Variants in TENM2 observed in about 807,000 individuals in gnomAD.
TENM2 encodes the protein teneurin-2.
A neutral mutation model predicts 245.2 loss-of-function variants in TENM2; 52 were observed. That is an observed-to-expected ratio of 0.21 (90% CI 0.17 to 0.27). TENM2 has a LOEUF of 0.27. Ranked by LOEUF, TENM2 falls within the 10% of genes least tolerant of loss-of-function variation. The pLI is 1.00. For missense variants in TENM2, 3,046 were observed against 3,666.8 expected (o/e 0.83, Z 4.37); for synonymous variants, 1,363 against 1,438.9 (o/e 0.95, Z 1.19).
At chr5:167,854,992 G>A (rs1190111592) in intron 2 of TENM2, among the ~76,000 whole-genome samples, 2 of 152,108 alleles carry the variant, frequency 1.3e-5, no homozygotes, top group Non-Finnish European at 2.9e-5. Context: ...TAACAAAAGT[G>A]GCTTTGCTAA....
chr5:167,010,987 A>G, the TENM2 span, among the ~76,000 whole-genome samples: 1 of 152,224 alleles, frequency 6.6e-6, no homozygotes, highest in East Asian at 1.9e-4. Context: ...TATAGATGCA[A>G]AGGAAAAACA....
chr5:167,108,301 T>C, the TENM2 span, among the ~76,000 whole-genome samples: 30 of 152,110 alleles, frequency 2.0e-4, no homozygotes, highest in African/African-American at 7.0e-4. Flanking sequence ...AGTTTTTGTA[T>C]TTTTAGTAGA....
chr5:167,552,904 G>A (rs182827093), intron 2 of TENM2, among the ~76,000 whole-genome samples: 1 of 144,516 alleles, frequency 6.9e-6, no homozygotes, highest in African/African-American at 2.6e-5. Context: ...GTGCTGATGT[G>A]CAATGGTAAG....
At chr5:167,824,661 C>T (rs902895270) in intron 2 of TENM2, among the ~76,000 whole-genome samples, 3 of 152,184 alleles carry the variant, frequency 2.0e-5, no homozygotes, top group Non-Finnish European at 4.4e-5. Context: ...TGGTGAATGG[C>T]TTTCCATATC....
chr5:167,640,859 C>CTA (rs1779522065), intron 2 of TENM2, among the ~76,000 whole-genome samples: 2 of 9,180 alleles, frequency 2.2e-4, no homozygotes, highest in Non-Finnish European at 4.3e-4. Flanking sequence ...ATATATATAT[C>CTA]CATATATATA....
chr5:167,157,931 A>C, the TENM2 span, among the ~76,000 whole-genome samples: 11 of 152,366 alleles, frequency 7.2e-5, no homozygotes, highest in East Asian at 1.9e-4. Context: ...ATGAGAAAGA[A>C]GAGAAGAATT....
intron 3 of TENM2, among the ~76,000 whole-genome samples, chr5:167,898,610 G>A (rs1229531618): frequency 6.6e-6 from 1 of 152,196 alleles, no homozygotes; most frequent in African/African-American, 2.4e-5. Context: ...AGGAGCTGGG[G>A]GAGAGAGACT....
the TENM2 span, among the ~76,000 whole-genome samples, chr5:167,174,348 A>G: frequency 4.6e-5 from 7 of 152,176 alleles, no homozygotes; most frequent in Admixed American, 4.6e-4. Flanking sequence ...CACACGAAGC[A>G]AATACCTTCT....
chr5:168,235,831 T>C (rs1384133837), intron 25 of TENM2, among the ~76,000 whole-genome samples: 4 of 150,518 alleles, frequency 2.7e-5, no homozygotes, highest in African/African-American at 9.8e-5. Context: ...GAAATTGTGA[T>C]GGGTGCTTTG....
chr5:168,059,234 T>C (rs547535593), intron 6 of TENM2, among the ~76,000 whole-genome samples: 1 of 152,288 alleles, frequency 6.6e-6, no homozygotes, highest in African/African-American at 2.4e-5. Flanking sequence ...TCTGAATTTC[T>C]CCAGAACAGC....
At chr5:167,653,035 T>G (rs1754583335) in intron 2 of TENM2, among the ~76,000 whole-genome samples, 1 of 152,162 alleles carries the variant, frequency 6.6e-6, no homozygotes, top group Admixed American at 6.6e-5. Context: ...TTGAGTCATC[T>G]CTTTATTTTT....
the TENM2 span, among the ~76,000 whole-genome samples, chr5:166,987,420 G>GGTGTGT: frequency 3.2e-3 from 477 of 147,190 alleles, 3 homozygotes; most frequent in African/African-American, 0.011. Context: ...GTTTAGTAAG[G>GGTGTGT]GTGTGTGTGT....
chr5:167,725,368 C>T (rs1389022428), intron 2 of TENM2, among the ~76,000 whole-genome samples: 3 of 151,934 alleles, frequency 2.0e-5, no homozygotes, highest in Admixed American at 2.0e-4. Context: ...TATGTGAATA[C>T]CAAGGGAATC....
At chr5:167,403,058 G>T (rs1762446799) in intron 2 of TENM2, among the ~76,000 whole-genome samples, 2 of 152,110 alleles carry the variant, frequency 1.3e-5, no homozygotes, top group Admixed American at 6.6e-5. Context: ...AGAGAGAATG[G>T]ATTTGCTTAT....
chr5:168,106,401 G>T (rs1045094627), intron 9 of TENM2, among the ~76,000 whole-genome samples: 1 of 151,792 alleles, frequency 6.6e-6, no homozygotes, highest in Non-Finnish European at 1.5e-5. Flanking sequence ...TACTATATAC[G>T]CCAACCACCG....
chr5:167,567,843 C>T (rs1412269172), intron 2 of TENM2, among the ~76,000 whole-genome samples: 1 of 152,098 alleles, frequency 6.6e-6, no homozygotes, highest in African/African-American at 2.4e-5. Flanking sequence ...GTATTATAAG[C>T]TCTTTCACAT....
chr5:167,996,632 A>T (rs2087073015), intron 5 of TENM2, among the ~76,000 whole-genome samples: 2 of 152,194 alleles, frequency 1.3e-5, no homozygotes, highest in South Asian at 4.1e-4. Flanking sequence ...GACAAGATGT[A>T]TTGTGTTATC....
At chr5:167,114,814 A>G in the TENM2 span, among the ~76,000 whole-genome samples, 1 of 152,238 alleles carries the variant, frequency 6.6e-6, no homozygotes, top group East Asian at 1.9e-4. Flanking sequence ...AAAGAAGCCA[A>G]AGAGGTGTAT....
intron 6 of TENM2, among the ~76,000 whole-genome samples, chr5:168,055,847 C>T (rs1316290424): frequency 1.3e-5 from 2 of 152,228 alleles, no homozygotes; most frequent in Non-Finnish European, 2.9e-5. Context: ...CAAAGGCACA[C>T]AGCTGGTAGC....
Sources: gnomAD v4.1 joint callset for allele counts (sites outside exome capture counted in the v4.1 genomes callset) on GRCh38, gnomAD v4.1.1 for gene constraint, MANE v1.5 for transcripts, NCBI Gene and HGNC (gene_info 2026-07-23, HGNC 2026-07-21) for gene names.